Variants in MACROD2 observed in about 807,000 individuals in gnomAD.
MACROD2 encodes ADP-ribose glycohydrolase MACROD2.
MACROD2 carries 36 observed loss-of-function variants against 70.4 expected under a neutral mutation model. The observed-to-expected ratio is 0.51, with a 90% CI of 0.39 to 0.68. The LOEUF (loss-of-function observed/expected upper bound fraction) is 0.68, where lower values mean the gene tolerates loss of function less well. Ranked by LOEUF, MACROD2 falls within the 30% of genes least tolerant of loss-of-function variation. MACROD2 has a pLI of 0.00. For synonymous variants in MACROD2, 172 were observed against 178.8 expected (o/e 0.96, Z 0.30); for missense variants, 496 against 538.4 (o/e 0.92, Z 0.78).
intron 4 of MACROD2, among the ~76,000 whole-genome samples, chr20:14,560,684 T>C (rs1268334303): frequency 6.6e-6 from 1 of 151,876 alleles, no homozygotes; most frequent in Admixed American, 6.6e-5. Context: ...CTCCCATAGG[T>C]CTATGAACAT....
At chr20:15,144,336 G>T (rs1160126833) in intron 5 of MACROD2, among the ~76,000 whole-genome samples, 6 of 152,116 alleles carry the variant, frequency 3.9e-5, no homozygotes, top group Admixed American at 6.5e-5. Context: ...TTCATGTCAG[G>T]ATAGTGTGAT....
chr20:14,770,015 C>A (rs567898976), intron 5 of MACROD2, among the ~76,000 whole-genome samples: 9 of 151,912 alleles, frequency 5.9e-5, no homozygotes, highest in Non-Finnish European at 1.0e-4. Context: ...ACATGAAAAT[C>A]ATTTCATGAA....
intron 6 of MACROD2, among the ~76,000 whole-genome samples, chr20:15,391,886 C>T (rs1267236337): frequency 6.6e-6 from 1 of 152,170 alleles, no homozygotes; most frequent in Non-Finnish European, 1.5e-5. Context: ...TTTCTTATGA[C>T]AAACAAAGCA....
rs542763243 is a variant in MACROD2 at position 15,272,206 on chromosome 20, G to A, written c.540+42145G>A. On this transcript the variant is annotated intron_variant, in intron 6 of 17. Coordinates refer to ENST00000684519, the MANE Select transcript of MACROD2 (RefSeq NM_001351661.2). ...ATTGTGTACAGATGCATAAAACTGA[G>A]TTCAAAATAAACTTCTATTTTGAGG... Among the ~76,000 whole-genome samples, 6 of 152,292 alleles carry A rather than the reference G, an allele frequency of 3.9e-5. No homozygotes were observed. The East Asian group carries it at 1.2e-3, about 29-fold the overall frequency.
intron 5 of MACROD2, among the ~76,000 whole-genome samples, chr20:15,032,860 T>C (rs2075286128): frequency 6.6e-6 from 1 of 152,176 alleles, no homozygotes. Flanking sequence ...ATAAGCGAAA[T>C]GTAGTATATC....
chr20:14,483,233 T>C (rs959503083), intron 3 of MACROD2, among the ~76,000 whole-genome samples: 8 of 152,144 alleles, frequency 5.3e-5, no homozygotes, highest in Non-Finnish European at 1.2e-4. Context: ...ATGAAGCGTC[T>C]TAATGGTTGG....
intron 4 of MACROD2, among the ~76,000 whole-genome samples, chr20:14,649,294 T>A (rs771171987): frequency 1.2e-4 from 18 of 152,196 alleles, no homozygotes; most frequent in African/African-American, 3.9e-4. Flanking sequence ...AGGGTAGCAC[T>A]AGTGAAACTA....
At chr20:14,453,188 A>G (rs915388588) in intron 3 of MACROD2, among the ~76,000 whole-genome samples, 1 of 152,130 alleles carries the variant, frequency 6.6e-6, no homozygotes, top group African/African-American at 2.4e-5. Flanking sequence ...CATTAAGACC[A>G]CCAAGGCCTG....
Position 14,326,944 on chromosome 20 carries a change from G to C in MACROD2, c.272-166535G>C. The C allele has an allele frequency of 6.2e-7, 1 of 1,613,728 alleles. No homozygotes were observed. The highest frequency in any genetic ancestry group is 8.5e-7 in the Non-Finnish European group (1 of 1,179,790). On this transcript the variant is annotated intron_variant, in intron 3 of 17. Transcript: ENST00000684519. This position sits in a 1 kb window ranked among gnomAD's most constrained non-coding sequence, Gnocchi z 5.5. ...TTGAAGAGATGGTGATGAAATAGTG[G>C]ATATGCGATTATCATCCAAGCGTAG...
At chr20:14,976,020 A>C (rs1361599052) in intron 5 of MACROD2, among the ~76,000 whole-genome samples, 1 of 152,162 alleles carries the variant, frequency 6.6e-6, no homozygotes, top group African/African-American at 2.4e-5. Flanking sequence ...AGAGGCCAGC[A>C]TAGAGGATAT....
intron 5 of MACROD2, among the ~76,000 whole-genome samples, chr20:14,719,414 A>G (rs2071436477): frequency 1.3e-5 from 2 of 151,458 alleles, no homozygotes; most frequent in South Asian, 4.2e-4. Context: ...CACTTATTGA[A>G]TTCACTCACA....
intron 5 of MACROD2, among the ~76,000 whole-genome samples, chr20:14,692,365 C>T (rs181014048): frequency 1.3e-5 from 2 of 152,272 alleles, no homozygotes; most frequent in Admixed American, 6.5e-5. Context: ...AACTCTGACA[C>T]GTTCTTCTTT....
chr20:14,201,837 C>CAA (rs1048150695), intron 3 of MACROD2, among the ~76,000 whole-genome samples: 2 of 71,204 alleles, frequency 2.8e-5, no homozygotes, highest in African/African-American at 9.6e-5. Flanking sequence ...GATTCCATCT[C>CAA]AAAAAAAAAA....
intron 8 of MACROD2, among the ~76,000 whole-genome samples, chr20:15,575,429 T>G (rs2146635373): frequency 6.6e-6 from 1 of 152,262 alleles, no homozygotes; most frequent in South Asian, 2.1e-4. Flanking sequence ...CATGCATAAA[T>G]GAATACCATG....
intron 8 of MACROD2, among the ~76,000 whole-genome samples, chr20:15,767,692 A>T (rs990747572): frequency 6.6e-6 from 1 of 152,210 alleles, no homozygotes; most frequent in Non-Finnish European, 1.5e-5. Context: ...TTACAAGCCA[A>T]ATATTTCACA....
rs1302350525 is a variant in MACROD2, at chr20:15,869,230, TATATATATAG to T, written c.727+6406_727+6415del. Among the ~76,000 whole-genome samples, 216 of 37,666 alleles carry T rather than the reference TATATATATAG, an allele frequency of 5.7e-3. 3 individuals are homozygous for T. Among genetic ancestry groups the T allele is most frequent in the East Asian group, 0.031 (50 of 1,594 alleles). 24.7% of individuals were successfully genotyped at this position (37,666 alleles called of 152,430 possible). A position where few individuals can be genotyped will look rare whatever the true frequency, so the allele number is the denominator to read the frequency against. ...ATTAACATATATATATATATATATA[TATATATATAG>T]AGAGAGAGAGAGAGAGAGAGAGAGA... is the stretch of plus-strand genomic sequence containing the variant. On this transcript the variant is annotated intron_variant, in intron 9 of 17. Transcript: ENST00000684519.
At chr20:14,467,528 G>A (rs1040198607) in intron 3 of MACROD2, among the ~76,000 whole-genome samples, 10 of 152,126 alleles carry the variant, frequency 6.6e-5, no homozygotes, top group South Asian at 2.1e-4. Flanking sequence ...CGCATGGTGC[G>A]CTGCCCCCAC....
chr20:15,157,894 T>C (rs6034116), intron 5 of MACROD2, among the ~76,000 whole-genome samples: 3,565 of 152,256 alleles, frequency 0.023, 146 homozygotes, highest in African/African-American at 0.082. Flanking sequence ...CATTGCCCTG[T>C]CAGGCCCACA....
At chr20:14,533,094 T>G (rs1223311167) in intron 4 of MACROD2, among the ~76,000 whole-genome samples, 8 of 150,704 alleles carry the variant, frequency 5.3e-5, no homozygotes, top group Non-Finnish European at 1.2e-4. Context: ...AACAGGAGAT[T>G]TCACAGCAAC....
Sources: gnomAD v4.1 joint callset for allele counts (sites outside exome capture counted in the v4.1 genomes callset) on GRCh38, gnomAD v4.1.1 for gene constraint, Gnocchi (gnomAD v3.1) non-coding constraint, MANE v1.5 for transcripts, NCBI Gene and HGNC (gene_info 2026-07-23, HGNC 2026-07-21) for gene names.